PTPRG: variants seen among roughly 807,000 people sequenced by gnomAD.
PTPRG encodes protein tyrosine phosphatase receptor type G, also known as receptor-type tyrosine-protein phosphatase gamma.
In PTPRG, 102 loss-of-function variants were observed where a neutral mutation model predicts 165.3. The observed-to-expected ratio is 0.62, with a 90% CI of 0.53 to 0.73. PTPRG has a LOEUF of 0.73. Among genes scored for constraint, PTPRG ranks in the 30% least tolerant of loss-of-function variants. PTPRG has a pLI of 0.00. For synonymous variants in PTPRG, 675 were observed against 669.5 expected, an observed-to-expected ratio of 1.01 and a Z score of -0.13; for missense variants, 1,866 against 1,861.4, an observed-to-expected ratio of 1.00 and a Z score of -0.05.
chr3:62,165,682 T>C (rs1253053994), intron 7 of PTPRG, among the ~76,000 whole-genome samples: 1 of 152,188 alleles, frequency 6.6e-6, no homozygotes, highest in Non-Finnish European at 1.5e-5. Flanking sequence ...TGGTTCTATG[T>C]AAAAGGCAGA....
chr3:61,956,658 A>G (rs1220838741), intron 2 of PTPRG, among the ~76,000 whole-genome samples: 1 of 152,244 alleles, frequency 6.6e-6, no homozygotes, highest in Non-Finnish European at 1.5e-5. Flanking sequence ...AGCAGGGCAA[A>G]TGGGACTATT....
intron 13 of PTPRG, 33 bp from the exon 14 acceptor site, chr3:62,231,192 A>G (rs779190258): frequency 6.7e-7 from 1 of 1,493,050 alleles, no homozygotes; most frequent in Non-Finnish European, 9.0e-7. Context: ...ACTGTATTCT[A>G]CACCTGTTCT....
At chr3:61,860,342 C>G (rs867457670) in intron 2 of PTPRG, among the ~76,000 whole-genome samples, 1 of 144,780 alleles carries the variant, frequency 6.9e-6, no homozygotes, top group Admixed American at 6.8e-5. Flanking sequence ...CTTCCCAGCC[C>G]GTGAAAGCCA....
In PTPRG at chr3:61,989,658, G is replaced by T. The variant is rs1034440786; in HGVS notation, c.224G>T (p.Ser75Ile). The change falls in exon 3 of 30, where the codon AGT becomes ATT. Residue 75 changes from serine to isoleucine, a missense_variant. Transcript: ENST00000474889. ...AYGPEHWVTS[S>I]VSCGGRHQSP... ...GGTCCTGAGCACTGGGTCACGTCTA[G>T]TGTCAGCTGTGGGGGCCGTCACCAG... 3 of 1,614,124 alleles carry T rather than the reference G, an allele frequency of 1.9e-6. No individual in the cohort carries two copies. In the Admixed American group the frequency reaches 5.0e-5, roughly 27 times the overall value.
intron 4 of PTPRG, among the ~76,000 whole-genome samples, chr3:62,071,949 A>T (rs910201949): frequency 1.3e-5 from 2 of 152,202 alleles, no homozygotes; most frequent in Non-Finnish European, 2.9e-5. Flanking sequence ...TTTTAATATG[A>T]TTAAAAGTAT....
At chr3:61,915,438 A>T (rs1249782055) in intron 2 of PTPRG, among the ~76,000 whole-genome samples, 1 of 152,098 alleles carries the variant, frequency 6.6e-6, no homozygotes, top group African/African-American at 2.4e-5. Flanking sequence ...ATGGCAGTGG[A>T]GGGGTAGTTG....
chr3:62,185,907 A>G (rs1321226883), intron 8 of PTPRG, among the ~76,000 whole-genome samples: 1 of 152,176 alleles, frequency 6.6e-6, no homozygotes, highest in Non-Finnish European at 1.5e-5. Flanking sequence ...TCTGGCTCCA[A>G]AGCCCACACT....
chr3:61,767,854 C>T (rs1176141228), intron 2 of PTPRG, among the ~76,000 whole-genome samples: 7 of 150,916 alleles, frequency 4.6e-5, no homozygotes, highest in African/African-American at 1.7e-4. Flanking sequence ...CCTGTAGTTC[C>T]AACTACTGTG....
At chr3:62,024,974 A>T (rs755486188) in intron 4 of PTPRG, among the ~76,000 whole-genome samples, 19 of 152,100 alleles carry the variant, frequency 1.2e-4, no homozygotes, top group Non-Finnish European at 2.1e-4. Context: ...TGTCGACCTA[A>T]CCCTAGCAAT....
At chr3:61,665,810 A>C (rs1327175902) in intron 1 of PTPRG, among the ~76,000 whole-genome samples, 1 of 152,184 alleles carries the variant, frequency 6.6e-6, no homozygotes, top group Non-Finnish European at 1.5e-5. Context: ...TCTGGGCAAC[A>C]GAATGATACC....
At chr3:61,748,006 G>A (rs1168034778) in intron 1 of PTPRG, among the ~76,000 whole-genome samples, 1 of 152,198 alleles carries the variant, frequency 6.6e-6, no homozygotes, top group Non-Finnish European at 1.5e-5. Flanking sequence ...AGAGGGCTTT[G>A]AACGCTATAG....
chr3:61,652,091 C>T (rs970401452), intron 1 of PTPRG, among the ~76,000 whole-genome samples: 3 of 151,168 alleles, frequency 2.0e-5, no homozygotes, highest in Non-Finnish European at 2.9e-5. Flanking sequence ...AGGTGGGTCA[C>T]GAGATCAGGA....
At chr3:62,201,660 G>A in intron 11 of PTPRG, 106 bp downstream of exon 11, 1 of 1,025,384 alleles carries the variant, frequency 9.8e-7, no homozygotes, top group Non-Finnish European at 1.4e-6. Context: ...ACTGCTCAGT[G>A]TAAAGCGGTT....
chr3:61,868,827 T>C (rs998050986), intron 2 of PTPRG, among the ~76,000 whole-genome samples: 3 of 152,202 alleles, frequency 2.0e-5, no homozygotes, highest in African/African-American at 7.2e-5. Flanking sequence ...TTGGTCTTTG[T>C]ATCTAAAATG....
chr3:61,781,226 AC>A, intron 2 of PTPRG, among the ~76,000 whole-genome samples: 1 of 152,204 alleles, frequency 6.6e-6, no homozygotes, highest in Middle Eastern at 3.4e-3. Flanking sequence ...AAGTTCATAA[AC>A]CTTTAGGAGT....
intron 4 of PTPRG, among the ~76,000 whole-genome samples, chr3:62,026,107 A>G (rs1035299433): frequency 1.3e-5 from 2 of 152,160 alleles, no homozygotes; most frequent in Non-Finnish European, 2.9e-5. Context: ...AGGCCAGTTT[A>G]TTTCTCATAG....
At chr3:61,976,798 C>T (rs944830461) in intron 2 of PTPRG, among the ~76,000 whole-genome samples, 2 of 151,646 alleles carry the variant, frequency 1.3e-5, no homozygotes, top group Non-Finnish European at 2.9e-5. Flanking sequence ...GCCTCAGCCT[C>T]CCGAGTAGCT....
chr3:61,868,275 G>A (rs1343508122), intron 2 of PTPRG, among the ~76,000 whole-genome samples: 9 of 152,264 alleles, frequency 5.9e-5, no homozygotes, highest in African/African-American at 2.2e-4. Context: ...CAGAGTTTCA[G>A]GTATCTTTTC....
At chr3:61,921,379 A>G (rs1468388686) in intron 2 of PTPRG, among the ~76,000 whole-genome samples, 3 of 152,196 alleles carry the variant, frequency 2.0e-5, no homozygotes, top group Non-Finnish European at 1.5e-5. Context: ...AAAATCTAGT[A>G]GGATAACGGG....
Sources: allele counts gnomAD v4.1 joint callset (sites outside exome capture counted in the v4.1 genomes callset), GRCh38; gene constraint gnomAD v4.1.1; transcripts MANE v1.5; gene names NCBI Gene and HGNC (gene_info 2026-07-23, HGNC 2026-07-21).